USH2A: variants seen among roughly 807,000 people sequenced by gnomAD.
USH2A encodes Usher syndrome 2A (autosomal recessive, mild).
USH2A carries 443 observed loss-of-function variants against 538.9 expected under a neutral mutation model. That is an observed-to-expected ratio of 0.82 (90% CI 0.76 to 0.89). The LOEUF (loss-of-function observed/expected upper bound fraction) is 0.89, where lower values mean the gene tolerates loss of function less well. Among genes scored for constraint, USH2A ranks in the 40% least tolerant of loss-of-function variants. USH2A has a pLI of 0.00. For synonymous variants in USH2A, 2,413 were observed against 2,273.5 expected (o/e 1.06, Z -1.75); for missense variants, 6,633 against 6,324.8 (o/e 1.05, Z -1.65).
intron 4 of USH2A, among the ~76,000 whole-genome samples, chr1:216,344,992 T>C (rs564373418): frequency 2.0e-5 from 3 of 151,742 alleles, no homozygotes; most frequent in Non-Finnish European, 4.4e-5. Context: ...TGGGGAGCTT[T>C]TTCCTCCCAA....
In USH2A at chr1:215,798,923, C is replaced by T; in HGVS notation, c.9942G>A (p.Val3314=). ...LECCGGEEGV[V]YNRLPGMFCC... ...GCCCCTTACCTGGAAGGCGATTGTACACCACTCCTTCTTCTCCACCACAAC... is the reference window on the plus strand; with the variant it reads ...GCCCCTTACCTGGAAGGCGATTGTATACCACTCCTTCTTCTCCACCACAAC... Residue 3314 remains valine (V), a synonymous_variant, in exon 50 of 72, where the codon GTG becomes GTA. Coordinates refer to ENST00000307340, the MANE Select transcript of USH2A (RefSeq NM_206933.4). The T allele has an allele frequency of 6.2e-7, 1 of 1,614,060 alleles. No homozygotes were observed. The highest frequency in any genetic ancestry group is 8.5e-7 in the Non-Finnish European group (1 of 1,179,984).
chr1:215,798,801 C>G, intron 50 of USH2A, 106 bp downstream of exon 50: 1 of 1,264,430 alleles, frequency 7.9e-7, no homozygotes, highest in Non-Finnish European at 1.1e-6. Flanking sequence ...TAGATATAAC[C>G]AATGTGAGCT....
intron 58 of USH2A, 46 bp from the exon 59 acceptor site, chr1:215,743,381 T>TAG: frequency 2.3e-6 from 1 of 441,244 alleles, no homozygotes; most frequent in Non-Finnish European, 3.5e-6. Flanking sequence ...CATATATATA[T>TAG]ATATATGTGT....
chr1:216,034,100 C>A (rs924788522), intron 32 of USH2A, among the ~76,000 whole-genome samples: 2 of 148,852 alleles, frequency 1.3e-5, no homozygotes, highest in Admixed American at 6.7e-5. Flanking sequence ...TATCTGAAGA[C>A]AAGGACTACT....
At chr1:216,285,277 C>T (rs567600760) in intron 11 of USH2A, among the ~76,000 whole-genome samples, 1 of 152,150 alleles carries the variant, frequency 6.6e-6, no homozygotes, top group South Asian at 2.1e-4. Flanking sequence ...GGTGCCGTGT[C>T]CCAACTGCTC....
chr1:216,151,334 T>A (rs994058729), intron 21 of USH2A, among the ~76,000 whole-genome samples: 4 of 152,168 alleles, frequency 2.6e-5, no homozygotes, highest in African/African-American at 9.7e-5. Context: ...TCTACCTACA[T>A]GTGTCTACCT....
chr1:215,759,792 A>G lies in USH2A; in HGVS notation c.11099T>C (p.Leu3700Ser). ...HIIINSTTVE[L>S]YWSLPEKPNG... ...GGGCTTTTCTGGCAGACTCCAATAT[A>G]ATTCCACTGTTGTAGAATTGATGAT... The change falls in exon 57 of 72, where the codon TTA becomes TCA. Residue 3700 changes from leucine (L) to serine (S), a missense_variant. By Grantham distance (145) the Leu-to-Ser change is moderately radical. Transcript: ENST00000307340. 1 of 1,614,066 alleles carries G rather than the reference A, an allele frequency of 6.2e-7. No individual in the cohort carries two copies. The highest frequency in any genetic ancestry group is 8.5e-7 in the Non-Finnish European group (1 of 1,179,954).
intron 14 of USH2A, among the ~76,000 whole-genome samples, chr1:216,227,645 A>G (rs1435595412): frequency 6.6e-6 from 1 of 152,206 alleles, no homozygotes; most frequent in Non-Finnish European, 1.5e-5. Context: ...CTAGATAAAA[A>G]ATTAAAAATG....
chr1:216,212,608 C>T (rs2035263732), intron 15 of USH2A, among the ~76,000 whole-genome samples: 1 of 151,694 alleles, frequency 6.6e-6, no homozygotes, highest in African/African-American at 2.4e-5. Context: ...ACTCTCTGAA[C>T]CTTTTCTCAT....
At chr1:216,163,469 T>C (rs2034104137) in intron 21 of USH2A, among the ~76,000 whole-genome samples, 1 of 152,076 alleles carries the variant, frequency 6.6e-6, no homozygotes, top group Non-Finnish European at 1.5e-5. Context: ...TATGTTTCTA[T>C]TTTTTATTTT....
At position 216,130,569 on chromosome 1, in the gene USH2A, ATATAT is replaced by A. The variant is rs1335931335; in HGVS notation, c.4628-33361_4628-33357del. ...TATATATTTATATATATTATATATA[ATATAT>A]AATATATAATACACATTATATATCA... On this transcript the variant is annotated intron_variant, in intron 21 of 71. Transcript: ENST00000307340. 4.9e-5 allele frequency among the ~76,000 whole-genome samples: 7 copies of A among 144,202 alleles called. No individual in the cohort carries two copies. The Admixed American group carries it at 4.9e-4, about 10-fold the overall frequency. 94.6% of individuals were successfully genotyped at this position (144,202 alleles called of 152,430 possible). A position where few individuals can be genotyped will look rare whatever the true frequency, so the allele number is the denominator to read the frequency against.
chr1:216,255,732 G>T (rs1223194629), intron 11 of USH2A, among the ~76,000 whole-genome samples: 2 of 152,088 alleles, frequency 1.3e-5, no homozygotes, highest in African/African-American at 4.8e-5. Context: ...TCCATAACTG[G>T]CCATTGGGTC....
chr1:216,038,731 A>G (rs566729377), intron 32 of USH2A, among the ~76,000 whole-genome samples: 11 of 152,148 alleles, frequency 7.2e-5, no homozygotes, highest in Non-Finnish European at 1.5e-4. Flanking sequence ...GTATTAATTT[A>G]TAACTCAATT....
At chr1:215,694,749 A>ACAT (rs1658746563) in intron 61 of USH2A, among the ~76,000 whole-genome samples, 1 of 152,298 alleles carries the variant, frequency 6.6e-6, no homozygotes, top group African/African-American at 2.4e-5. Context: ...CTTCCTAATA[A>ACAT]CATCACATTG....
At chr1:215,676,535 C>T (rs548606316) in intron 62 of USH2A, among the ~76,000 whole-genome samples, 52 of 152,282 alleles carry the variant, frequency 3.4e-4, no homozygotes, top group African/African-American at 1.2e-3. Context: ...GGAAGGCACA[C>T]CCTTGAAACA....
chr1:216,313,887 T>C (rs1165175750), intron 9 of USH2A, among the ~76,000 whole-genome samples: 1 of 152,200 alleles, frequency 6.6e-6, no homozygotes, highest in Non-Finnish European at 1.5e-5. Flanking sequence ...AATATATCAG[T>C]AGTGTCTTAG....
intron 21 of USH2A, among the ~76,000 whole-genome samples, chr1:216,142,630 T>G (rs1219197451): frequency 6.6e-6 from 1 of 152,142 alleles, no homozygotes; most frequent in African/African-American, 2.4e-5. Context: ...GCTGATACAC[T>G]CTCTCTTTCC....
At position 216,300,987 on chromosome 1, in the gene USH2A, T is replaced by C. The variant is rs529755540; in HGVS notation, c.1645-8617A>G. On this transcript the variant is annotated intron_variant, in intron 9 of 71. Coordinates refer to ENST00000307340, the MANE Select transcript of USH2A (RefSeq NM_206933.4). ...CTCGTCTCAAACTCCTGACTTCAAG[T>C]GATCCGCCCACCTCGGCCTACCAAA... is the stretch of plus-strand genomic sequence containing the variant. 2.0e-3 allele frequency among the ~76,000 whole-genome samples: 299 copies of C among 152,106 alleles called. 1 individual carries two copies. Among genetic ancestry groups the C allele is most frequent in the Non-Finnish European group, 3.6e-3 (243 of 67,986 alleles).
chr1:215,882,954 A>C (rs1008600607), intron 41 of USH2A, among the ~76,000 whole-genome samples: 2 of 152,166 alleles, frequency 1.3e-5, no homozygotes, highest in African/African-American at 4.8e-5. Context: ...AGGAAAATGC[A>C]TGTTTAATTT....
Sources: gnomAD v4.1 joint callset for allele counts (sites outside exome capture counted in the v4.1 genomes callset) on GRCh38, gnomAD v4.1.1 for gene constraint, MANE v1.5 for transcripts, NCBI Gene and HGNC (gene_info 2026-07-23, HGNC 2026-07-21) for gene names.